The following MACROD2 variants were observed in gnomAD, a reference collection of about 807,000 sequenced individuals.
MACROD2 encodes mono-ADP ribosylhydrolase 2.
MACROD2 carries 36 observed loss-of-function variants against 70.4 expected under a neutral mutation model. The observed-to-expected ratio is 0.51, with a 90% confidence interval of 0.39 to 0.68. The LOEUF is 0.68. Ranked by LOEUF, MACROD2 falls within the 30% of genes least tolerant of loss-of-function variation. MACROD2 has a pLI of 0.00. For synonymous variants in MACROD2, 172 were observed against 178.8 expected (o/e 0.96, Z 0.30); for missense variants, 496 against 538.4 (o/e 0.92, Z 0.78).
intron 5 of MACROD2, among the ~76,000 whole-genome samples, chr20:15,142,274 GA>G (rs1339295522): frequency 6.6e-6 from 1 of 152,114 alleles, no homozygotes; most frequent in Non-Finnish European, 1.5e-5. Context: ...CTAAAACTTT[GA>G]AAAGACTCCT....
chr20:14,000,809 G>A (rs2052724538), intron 1 of MACROD2, among the ~76,000 whole-genome samples: 1 of 152,168 alleles, frequency 6.6e-6, no homozygotes, highest in Non-Finnish European at 1.5e-5. Context: ...TTCAATATTA[G>A]TAGTCTATAG....
intron 8 of MACROD2, among the ~76,000 whole-genome samples, chr20:15,515,877 G>A (rs2047559968): frequency 6.6e-6 from 1 of 152,140 alleles, no homozygotes; most frequent in African/African-American, 2.4e-5. Context: ...CCTTTATCTT[G>A]GACAGATGGC....
intron 5 of MACROD2, among the ~76,000 whole-genome samples, chr20:14,990,297 G>T (rs1375731417): frequency 1.3e-5 from 2 of 152,054 alleles, no homozygotes; most frequent in African/African-American, 4.8e-5. Flanking sequence ...GAATAATGCT[G>T]CAAAAGGTGG....
At chr20:15,983,608 T>A (rs2066433430) in intron 13 of MACROD2, among the ~76,000 whole-genome samples, 1 of 152,178 alleles carries the variant, frequency 6.6e-6, no homozygotes, top group Non-Finnish European at 1.5e-5. Context: ...CTGCAGGGAC[T>A]TTGGGATATA....
At chr20:14,531,010 T>C (rs1376878710) in intron 4 of MACROD2, among the ~76,000 whole-genome samples, 2 of 152,232 alleles carry the variant, frequency 1.3e-5, no homozygotes, top group African/African-American at 2.4e-5. Context: ...TTTTCTCTTT[T>C]ATTGTCCCAA....
chr20:15,694,481 T>C (rs1476395420), intron 8 of MACROD2, among the ~76,000 whole-genome samples: 1 of 152,240 alleles, frequency 6.6e-6, no homozygotes, highest in Admixed American at 6.5e-5. Flanking sequence ...GTTGAGCATT[T>C]TTTCATATAT....
intron 8 of MACROD2, among the ~76,000 whole-genome samples, chr20:15,597,529 T>G (rs547192659): frequency 1.3e-5 from 2 of 152,138 alleles, no homozygotes; most frequent in Non-Finnish European, 2.9e-5. Context: ...AGTGCCGGAT[T>G]CCTTGGTCAA....
At chr20:15,784,277 C>G (rs1361186328) in intron 8 of MACROD2, among the ~76,000 whole-genome samples, 1 of 152,068 alleles carries the variant, frequency 6.6e-6, no homozygotes, top group Non-Finnish European at 1.5e-5. Context: ...TAACAAGTGC[C>G]TGGTAGCTCA....
chr20:15,217,523 A>G (rs1006318706), intron 5 of MACROD2, among the ~76,000 whole-genome samples: 11 of 152,038 alleles, frequency 7.2e-5, no homozygotes, highest in African/African-American at 2.4e-4. Flanking sequence ...TAATAATTAC[A>G]CATTCTATTG....
At chr20:14,095,761 C>T (rs1193703250) in intron 3 of MACROD2, among the ~76,000 whole-genome samples, 1 of 152,124 alleles carries the variant, frequency 6.6e-6, no homozygotes, top group Non-Finnish European at 1.5e-5. Context: ...TTTAGTCCTT[C>T]TCTGGGAATT....
At chr20:15,381,577 G>C (rs575775310) in intron 6 of MACROD2, among the ~76,000 whole-genome samples, 5 of 152,064 alleles carry the variant, frequency 3.3e-5, no homozygotes, top group Non-Finnish European at 7.4e-5. Context: ...GAGGTGGGAG[G>C]ATTGACTGAG....
chr20:14,846,812 C>T (rs187333514), intron 5 of MACROD2, among the ~76,000 whole-genome samples: 15 of 150,946 alleles, frequency 9.9e-5, no homozygotes, highest in East Asian at 5.8e-4. Context: ...CCACCGCATC[C>T]GGCCTTAATA....
chr20:14,872,774 G>A (rs2073503683), intron 5 of MACROD2, among the ~76,000 whole-genome samples: 3 of 152,008 alleles, frequency 2.0e-5, no homozygotes, highest in Non-Finnish European at 2.9e-5. Flanking sequence ...AGAACTGTCC[G>A]AGAACTGGGT....
intron 7 of MACROD2, among the ~76,000 whole-genome samples, chr20:15,443,848 C>T (rs930414982): frequency 1.3e-5 from 2 of 152,140 alleles, no homozygotes; most frequent in Non-Finnish European, 2.9e-5. Context: ...ATTACTGAGT[C>T]TATGACACCC....
chr20:15,108,092 A>G (rs2075925864), intron 5 of MACROD2, among the ~76,000 whole-genome samples: 1 of 151,838 alleles, frequency 6.6e-6, no homozygotes, highest in Admixed American at 6.6e-5. Context: ...CAAACAAGCT[A>G]TCCTTGGAAT....
chr20:14,729,732 T>C (rs753285768), intron 5 of MACROD2, among the ~76,000 whole-genome samples: 21 of 152,198 alleles, frequency 1.4e-4, no homozygotes, highest in Non-Finnish European at 2.4e-4. Flanking sequence ...ACACTCTCAA[T>C]ACAAATCACA....
chr20:15,735,164 T>C (rs768468546), intron 8 of MACROD2, among the ~76,000 whole-genome samples: 3 of 152,146 alleles, frequency 2.0e-5, no homozygotes, highest in Non-Finnish European at 4.4e-5. Flanking sequence ...TTTCACCATA[T>C]TGGCCAAGCT....
At chr20:14,674,049 T>A (rs2070829479) in intron 4 of MACROD2, among the ~76,000 whole-genome samples, 1 of 152,160 alleles carries the variant, frequency 6.6e-6, no homozygotes, top group Non-Finnish European at 1.5e-5. Flanking sequence ...ATGTGACCCA[T>A]TCCCTAAAAT....
intron 6 of MACROD2, among the ~76,000 whole-genome samples, chr20:15,294,120 T>TAAAAAAA (rs10644931): frequency 8.4e-6 from 1 of 118,352 alleles, no homozygotes; most frequent in Non-Finnish European, 1.7e-5. Context: ...AAACTCTGTC[T>TAAAAAAA]AAAAAAAAAA....
Sources: gnomAD v4.1 joint callset for allele counts (sites outside exome capture counted in the v4.1 genomes callset) on GRCh38, gnomAD v4.1.1 for gene constraint, MANE v1.5 for transcripts, NCBI Gene and HGNC (gene_info 2026-07-23, HGNC 2026-07-21) for gene names.